The following CSRNP3 variants were observed in gnomAD, a reference collection of about 807,000 sequenced individuals.
CSRNP3 encodes the protein cysteine and serine rich nuclear protein 3, also known as cysteine/serine-rich nuclear protein 3.
A neutral mutation model predicts 48.0 loss-of-function variants in CSRNP3; 12 were observed. That is an observed-to-expected ratio of 0.25 (90% confidence interval 0.16 to 0.41). The LOEUF (loss-of-function observed/expected upper bound fraction) is 0.41. Among genes scored for constraint, CSRNP3 ranks in the 10% least tolerant of loss-of-function variants. The pLI is 1.00. For synonymous variants in CSRNP3, 263 were observed against 269.7 expected, an observed-to-expected ratio of 0.98 and a Z score of 0.24; for missense variants, 580 against 724.4, an observed-to-expected ratio of 0.80 and a Z score of 2.29.
At chr2:165,500,095 C>G (rs999686062) in intron 2 of CSRNP3, among the ~76,000 whole-genome samples, 7 of 146,144 alleles carry the variant, frequency 4.8e-5, no homozygotes, top group Non-Finnish European at 9.0e-5. Flanking sequence ...TCAATTGAAA[C>G]AATTTTCAAA....
At chr2:165,645,907 TG>T (rs113946204) in intron 4 of CSRNP3, among the ~76,000 whole-genome samples, 4,710 of 151,512 alleles carry the variant, frequency 0.031, 246 homozygotes, top group African/African-American at 0.11. Context: ...GTGTTTTTTT[TG>T]TTTTGTTTTG....
At chr2:165,475,433 G>T (rs749841930) in intron 1 of CSRNP3, among the ~76,000 whole-genome samples, 4 of 152,164 alleles carry the variant, frequency 2.6e-5, no homozygotes, top group Non-Finnish European at 5.9e-5. Flanking sequence ...GCAGGGCCAA[G>T]GAGAGAAGCC....
At chr2:165,525,758 T>C (rs1684725459) in intron 3 of CSRNP3, among the ~76,000 whole-genome samples, 1 of 152,160 alleles carries the variant, frequency 6.6e-6, no homozygotes, top group Non-Finnish European at 1.5e-5. Flanking sequence ...AGTGCTGGGA[T>C]TAACAGGCAT....
At chr2:165,585,764 C>T (rs186432453) in intron 3 of CSRNP3, among the ~76,000 whole-genome samples, 42 of 152,262 alleles carry the variant, frequency 2.8e-4, no homozygotes, top group Non-Finnish European at 4.7e-4. Context: ...TTTAACATGC[C>T]TGTTGATCTA....
intron 6 of CSRNP3, among the ~76,000 whole-genome samples, chr2:165,678,288 C>T (rs1035492343): frequency 1.3e-5 from 2 of 151,952 alleles, no homozygotes; most frequent in Non-Finnish European, 2.9e-5. Flanking sequence ...AGTAAGTTTG[C>T]TTGTTTAAAA....
chr2:165,650,795 A>G (rs140435546), intron 4 of CSRNP3, among the ~76,000 whole-genome samples: 1 of 151,360 alleles, frequency 6.6e-6, no homozygotes, highest in East Asian at 1.9e-4. Context: ...AAATAAATAA[A>G]TTCAAAACCA....
intron 5 of CSRNP3, among the ~76,000 whole-genome samples, chr2:165,663,387 C>A (rs945922515): frequency 6.6e-6 from 1 of 152,190 alleles, no homozygotes; most frequent in Non-Finnish European, 1.5e-5. Flanking sequence ...TTCCGGAATG[C>A]ATCCCCAAAT....
At chr2:165,592,639 C>T (rs1253999061) in intron 3 of CSRNP3, among the ~76,000 whole-genome samples, 2 of 152,088 alleles carry the variant, frequency 1.3e-5, no homozygotes, top group African/African-American at 4.8e-5. Flanking sequence ...TGAGTTCTCA[C>T]AAGTTCTCTA....
intron 5 of CSRNP3, among the ~76,000 whole-genome samples, chr2:165,674,683 TATATA>T (rs1220568423): frequency 3.2e-5 from 2 of 62,012 alleles, no homozygotes; most frequent in Non-Finnish European, 7.4e-5. Context: ...TACTTCTGAA[TATATA>T]TATATATATA....
chr2:165,658,108 C>A lies in CSRNP3; in HGVS notation c.408+88C>A, dbSNP rs1247349041. 7.9e-6 allele frequency: 11 copies of A among 1,399,596 alleles called. No homozygotes were observed. The Admixed American group carries it at 9.1e-5, about 12-fold the overall frequency. 86.7% of individuals were successfully genotyped at this position (1,399,596 alleles called of 1,614,324 possible). A position where few individuals can be genotyped will look rare whatever the true frequency, so the allele number is the denominator to read the frequency against. ...CATTTTCATATTTATAATCACGAAACAAACTGGGCACTTTACATAACAGAC... is the reference window on the plus strand; with the variant it reads ...CATTTTCATATTTATAATCACGAAAAAAACTGGGCACTTTACATAACAGAC... On this transcript the variant is annotated intron_variant, in intron 5 of 6. Transcript: ENST00000651982.
chr2:165,474,192 A>G (rs1683929137), intron 1 of CSRNP3, among the ~76,000 whole-genome samples: 1 of 152,000 alleles, frequency 6.6e-6, no homozygotes, highest in African/African-American at 2.4e-5. Context: ...TAGTTTTTAA[A>G]TTTATATTTT....
chr2:165,588,256 G>A (rs908163375), intron 3 of CSRNP3, among the ~76,000 whole-genome samples: 26 of 152,170 alleles, frequency 1.7e-4, no homozygotes, highest in Non-Finnish European at 3.1e-4. Context: ...CAAGGCCAGT[G>A]GCTCAAATGA....
chr2:165,678,577 T>TTGCTCTGGCATATGTGGAA, intron 6 of CSRNP3, 124 bp from the exon 7 acceptor site: 1 of 1,165,510 alleles, frequency 8.6e-7, no homozygotes, highest in Non-Finnish European at 1.2e-6. Context: ...TGGTTGTCAT[T>TTGCTCTGGCATATGTGGAA]TGCTCTGGCA....
intron 3 of CSRNP3, among the ~76,000 whole-genome samples, chr2:165,563,674 A>T (rs1392752092): frequency 1.3e-5 from 2 of 152,182 alleles, no homozygotes; most frequent in African/African-American, 4.8e-5. Flanking sequence ...AGAAAGCACG[A>T]GTTCAGCTGC....
chr2:165,493,218 A>C (rs933565800), intron 1 of CSRNP3, among the ~76,000 whole-genome samples: 2 of 152,002 alleles, frequency 1.3e-5, no homozygotes, highest in Admixed American at 1.3e-4. Context: ...AAAAAAAAAA[A>C]AGTCACTTCA....
At chr2:165,535,948 A>C (rs1684876105) in intron 3 of CSRNP3, among the ~76,000 whole-genome samples, 1 of 151,900 alleles carries the variant, frequency 6.6e-6, no homozygotes, top group Non-Finnish European at 1.5e-5. Context: ...GTTTCCCACG[A>C]AACAATGACT....
At chr2:165,618,177 G>C (rs151025714) in intron 4 of CSRNP3, among the ~76,000 whole-genome samples, 122 of 152,286 alleles carry the variant, frequency 8.0e-4, no homozygotes, top group African/African-American at 2.9e-3. Context: ...AGGATTGCAG[G>C]TATCTATGAT....
chr2:165,668,564 G>T (rs1442664937), intron 5 of CSRNP3, among the ~76,000 whole-genome samples: 1 of 151,774 alleles, frequency 6.6e-6, no homozygotes, highest in East Asian at 1.9e-4. Flanking sequence ...ATCAATCCTG[G>T]CTAGTTTTTG....
At chr2:165,476,517 C>T (rs574758767) in intron 1 of CSRNP3, among the ~76,000 whole-genome samples, 3 of 152,364 alleles carry the variant, frequency 2.0e-5, no homozygotes, top group African/African-American at 7.2e-5. Context: ...TGGAGCTATA[C>T]TGTGGTATAC....
Sources: gnomAD v4.1 joint callset for allele counts (sites outside exome capture counted in the v4.1 genomes callset) on GRCh38, gnomAD v4.1.1 for gene constraint, MANE v1.5 for transcripts, NCBI Gene and HGNC (gene_info 2026-07-23, HGNC 2026-07-21) for gene names.